The following CYRIB variants were observed in gnomAD, a reference collection of about 807,000 sequenced individuals.
The protein encoded by CYRIB is CYFIP related Rac1 interactor B, also known as CYFIP-related Rac1 interactor B.
Under a neutral mutation model 44.2 loss-of-function variants are expected in CYRIB, and 8 were observed. That is an observed-to-expected ratio of 0.18 (90% confidence interval 0.11 to 0.33). The LOEUF is 0.33. CYRIB is among the 10% of genes least tolerant of loss of function. The probability of loss-of-function intolerance (pLI) is 1.00; values close to 1 mark genes in which losing one functional copy is unlikely to be tolerated. For missense variants in CYRIB, 185 were observed against 382.8 expected, an observed-to-expected ratio of 0.48 and a Z score of 4.31; for synonymous variants, 131 against 127.2, an observed-to-expected ratio of 1.03 and a Z score of -0.20.
intron 1 of CYRIB, among the ~76,000 whole-genome samples, chr8:129,975,025 C>A (rs2095857890): frequency 1.3e-5 from 2 of 151,990 alleles, no homozygotes; most frequent in African/African-American, 4.8e-5. Context: ...GGACTACAGG[C>A]ACCTGCCAGC....
intron 2 of CYRIB, among the ~76,000 whole-genome samples, chr8:129,950,131 T>G (rs2094427484): frequency 1.3e-5 from 2 of 152,102 alleles, no homozygotes; most frequent in African/African-American, 4.8e-5. Flanking sequence ...CTTTTTTTTC[T>G]TTTAATTTGA....
chr8:129,936,204 A>C (rs1351759660), intron 1 of CYRIB, among the ~76,000 whole-genome samples: 2 of 152,228 alleles, frequency 1.3e-5, no homozygotes, highest in Admixed American at 1.3e-4. Context: ...AGTAAACGTG[A>C]TGGGTTCAAA....
At chr8:129,872,121 T>A (rs986452808) in intron 3 of CYRIB, among the ~76,000 whole-genome samples, 2 of 152,088 alleles carry the variant, frequency 1.3e-5, no homozygotes, top group African/African-American at 4.8e-5. Flanking sequence ...CAAGAGAGTA[T>A]CACTGAACTA....
intron 1 of CYRIB, among the ~76,000 whole-genome samples, chr8:129,918,462 A>C (rs957934741): frequency 6.6e-6 from 1 of 152,250 alleles, no homozygotes; most frequent in African/African-American, 2.4e-5. Context: ...TGTGGAAATA[A>C]TACTTGCATA....
At chr8:129,928,791 A>C (rs1294926099) in intron 1 of CYRIB, among the ~76,000 whole-genome samples, 1 of 152,172 alleles carries the variant, frequency 6.6e-6, no homozygotes, top group Admixed American at 6.5e-5. Flanking sequence ...TATAATCAAA[A>C]AGATAATGAC....
chr8:129,853,771 A>G (rs912198155), intron 7 of CYRIB, among the ~76,000 whole-genome samples: 4 of 152,180 alleles, frequency 2.6e-5, no homozygotes, highest in African/African-American at 9.6e-5. Flanking sequence ...CATTTTCTCA[A>G]ACAGCTATAT....
rs189178273 is a variant in CYRIB at position 129,955,208 on chromosome 8, G to A, written c.-243+15735C>T. Reference sequence around the variant, plus strand: ...GCGGAGGTTGCAGTGAGCCAAGATCGTGCCACTGCACTCCAGCCTGGGTGA... The same window carrying A: ...GCGGAGGTTGCAGTGAGCCAAGATCATGCCACTGCACTCCAGCCTGGGTGA... On this transcript the variant is annotated intron_variant, in intron 2 of 14. Transcript: ENST00000401979. 4.9e-4 allele frequency among the ~76,000 whole-genome samples: 72 copies of A among 148,256 alleles called. No individual in the cohort carries two copies. The South Asian group carries it at 0.011, about 22-fold the overall frequency.
intron 3 of CYRIB, among the ~76,000 whole-genome samples, chr8:129,876,429 A>C (rs1392371537): frequency 6.6e-6 from 1 of 152,160 alleles, no homozygotes; most frequent in Non-Finnish European, 1.5e-5. Flanking sequence ...CTAGATTGAG[A>C]GCTTCCAGCA....
At chr8:129,934,802 A>G (rs1207542699) in intron 1 of CYRIB, among the ~76,000 whole-genome samples, 1 of 152,196 alleles carries the variant, frequency 6.6e-6, no homozygotes, top group Non-Finnish European at 1.5e-5. Context: ...ACATAAGGGT[A>G]ATCACCCCCA....
chr8:130,006,234 C>T (rs1438059532), intron 1 of CYRIB, among the ~76,000 whole-genome samples: 1 of 151,678 alleles, frequency 6.6e-6, no homozygotes, highest in Non-Finnish European at 1.5e-5. Context: ...ACCCAGGAAG[C>T]GGAGGTTGCA....
chr8:129,879,991 A>G (rs902602278), intron 2 of CYRIB, among the ~76,000 whole-genome samples: 2 of 152,176 alleles, frequency 1.3e-5, no homozygotes, highest in Non-Finnish European at 2.9e-5. Flanking sequence ...GATTGTCAAT[A>G]ATTTGTGGAG....
At position 129,930,908 on chromosome 8, in the gene CYRIB, T is replaced by A. The variant is rs73710970; in HGVS notation, c.-50+8700A>T. ...AAATTCACGTATGCTTTAACCCAAA[T>A]GAATGGAATAAATGAAGTTGACTTC... On this transcript the variant is annotated intron_variant, in intron 1 of 11. Transcript: ENST00000519824. 8.6e-3 allele frequency among the ~76,000 whole-genome samples: 1,307 copies of A among 152,154 alleles called. 14 individuals carry two copies. The highest frequency in any genetic ancestry group is 0.026 in the African/African-American group (1,072 of 41,510).
At chr8:129,981,519 A>C (rs1224817902) in intron 1 of CYRIB, among the ~76,000 whole-genome samples, 1 of 152,212 alleles carries the variant, frequency 6.6e-6, no homozygotes, top group African/African-American at 2.4e-5. Flanking sequence ...GATAAAAATG[A>C]TGTTTCTGAA....
At chr8:129,981,134 C>T (rs899677387) in intron 1 of CYRIB, among the ~76,000 whole-genome samples, 3 of 152,042 alleles carry the variant, frequency 2.0e-5, no homozygotes, top group African/African-American at 4.8e-5. Context: ...CAGAGTTAGC[C>T]CCCCATTCCC....
intron 7 of CYRIB, 150 bp downstream of exon 9, chr8:129,854,116 T>G: frequency 1.6e-6 from 1 of 644,944 alleles, no homozygotes; most frequent in East Asian, 2.9e-5. Flanking sequence ...TTGTTACAGT[T>G]TGCTTTTCCT....
intron 1 of CYRIB, among the ~76,000 whole-genome samples, chr8:129,910,494 TTTTTTTTTTTA>T (rs2077409778): frequency 6.8e-6 from 1 of 146,660 alleles, no homozygotes; most frequent in African/African-American, 2.6e-5. Flanking sequence ...TTTTTTTTTT[TTTTTTTTTTTA>T]AAGAGACAAG....
At chr8:129,882,099 A>G (rs2060989029) in intron 2 of CYRIB, among the ~76,000 whole-genome samples, 1 of 152,246 alleles carries the variant, frequency 6.6e-6, no homozygotes, top group African/African-American at 2.4e-5. Context: ...AATACACAAA[A>G]AATTACCTAG....
chr8:129,953,428 T>C (rs1359393412), intron 2 of CYRIB, among the ~76,000 whole-genome samples: 1 of 152,224 alleles, frequency 6.6e-6, no homozygotes, highest in East Asian at 1.9e-4. Context: ...GGTATTGGCC[T>C]GGGTTCCTCA....
At chr8:129,892,993 A>G (rs191805532) in intron 2 of CYRIB, among the ~76,000 whole-genome samples, 1 of 152,330 alleles carries the variant, frequency 6.6e-6, no homozygotes, top group East Asian at 1.9e-4. Context: ...TTTAGGCTTC[A>G]CAATTTACAA....
Sources: gnomAD v4.1 joint callset for allele counts (sites outside exome capture counted in the v4.1 genomes callset) on GRCh38, gnomAD v4.1.1 for gene constraint, MANE v1.5 for transcripts, NCBI Gene and HGNC (gene_info 2026-07-23, HGNC 2026-07-21) for gene names.